The following C2orf42 variants were observed in gnomAD, a reference collection of about 807,000 sequenced individuals.
C2orf42 encodes uncharacterized protein C2orf42.
C2orf42 carries 44 observed loss-of-function variants against 58.9 expected under a neutral mutation model. The ratio of observed to expected loss-of-function variants is 0.75; its 90% CI spans 0.59 to 0.96. C2orf42 has a LOEUF of 0.96. C2orf42 is among the 40% of genes least tolerant of loss of function. C2orf42 has a pLI of 0.00. For missense variants in C2orf42, 630 were observed against 699.2 expected, an observed-to-expected ratio of 0.90 and a Z score of 1.12; for synonymous variants, 239 against 265.4, an observed-to-expected ratio of 0.90 and a Z score of 0.97.
chr2:70,186,276 A>G (rs1178303722), intron 1 of C2orf42, among the ~76,000 whole-genome samples: 1 of 152,066 alleles, frequency 6.6e-6, no homozygotes, highest in East Asian at 1.9e-4. Context: ...TCATCTGCAA[A>G]GCTACGATAC....
chr2:70,170,193 A>C (rs1387103948), intron 5 of C2orf42, among the ~76,000 whole-genome samples: 70 of 151,984 alleles, frequency 4.6e-4, no homozygotes, highest in Admixed American at 2.2e-3. Flanking sequence ...AAAAAAAAAA[A>C]AAAACTTGAA....
chr2:70,151,734 T>C (rs1257469015), intron 9 of C2orf42, among the ~76,000 whole-genome samples: 2 of 152,192 alleles, frequency 1.3e-5, no homozygotes, highest in Non-Finnish European at 2.9e-5. Context: ...CATTTTTCTC[T>C]CAGCACTACT....
chr2:70,175,012 CTATCTT>C (rs1370498242), intron 5 of C2orf42, among the ~76,000 whole-genome samples: 6 of 151,968 alleles, frequency 3.9e-5, no homozygotes, highest in Admixed American at 3.9e-4. Context: ...AATCTGTTCT[CTATCTT>C]TATGGTTTTA....
intron 9 of C2orf42, among the ~76,000 whole-genome samples, chr2:70,159,260 G>C (rs1258885183): frequency 6.6e-6 from 1 of 151,942 alleles, no homozygotes; most frequent in South Asian, 2.1e-4. Flanking sequence ...TTTTAAAAGA[G>C]AAATTATTGT....
At chr2:70,154,314 G>A (rs1672507003) in intron 9 of C2orf42, among the ~76,000 whole-genome samples, 1 of 146,732 alleles carries the variant, frequency 6.8e-6, no homozygotes, top group Non-Finnish European at 1.5e-5. Context: ...TGTAATCCCA[G>A]CACTTTGAGA....
At position 70,187,004 on chromosome 2, in the gene C2orf42, G is replaced by T. The variant is rs572386367; in HGVS notation, c.-282+3969C>A. Reference sequence around the variant, plus strand: ...GCATTAGGAGATATACCTAAGGCTAGATGACGAGTTAGTGGGTGCAGCACA... The same window carrying T: ...GCATTAGGAGATATACCTAAGGCTATATGACGAGTTAGTGGGTGCAGCACA... On this transcript the variant is annotated intron_variant, in intron 1 of 9. Coordinates refer to ENST00000264434, the MANE Select transcript of C2orf42 (RefSeq NM_017880.3). Among the ~76,000 whole-genome samples the T allele has an allele frequency of 3.3e-5, 5 of 152,190 alleles. No homozygotes were observed. The East Asian group carries it at 7.7e-4, about 24-fold the overall frequency.
In C2orf42 at chr2:70,155,406, C is replaced by A. The variant is rs536439087; in HGVS notation, c.1517-4842G>T. Among the ~76,000 whole-genome samples the A allele has an allele frequency of 2.0e-5, 3 of 152,288 alleles. No individual in the cohort carries two copies. The South Asian group carries it at 6.2e-4, about 32-fold the overall frequency. On this transcript the variant is annotated intron_variant, in intron 9 of 9. Coordinates refer to ENST00000264434, the MANE Select transcript of C2orf42 (RefSeq NM_017880.3). ...AAACTCCTGGGCTCAAGCTATCCTCCAACCCCAGCCTCCCAAAGTGCTGGG... is the reference window on the plus strand; with the variant it reads ...AAACTCCTGGGCTCAAGCTATCCTCAAACCCCAGCCTCCCAAAGTGCTGGG...
In C2orf42 at chr2:70,180,722, C is replaced by G. The variant is rs142144641; in HGVS notation, c.823+441G>C. ...ACTGAGACTGAAAGAAGGAATGCAACCAGGTGTGGCGGCTCACACCTGTGA... is the reference window on the plus strand; with the variant it reads ...ACTGAGACTGAAAGAAGGAATGCAAGCAGGTGTGGCGGCTCACACCTGTGA... On this transcript the variant is annotated intron_variant, in intron 3 of 9. Coordinates refer to ENST00000264434, the MANE Select transcript of C2orf42 (RefSeq NM_017880.3). Among the ~76,000 whole-genome samples the G allele has an allele frequency of 1.4e-3, 218 of 151,382 alleles. 1 individual carries two copies. The highest frequency in any genetic ancestry group is 5.1e-3 in the African/African-American group (209 of 41,244).
intron 6 of C2orf42, among the ~76,000 whole-genome samples, chr2:70,166,039 C>T (rs940114676): frequency 1.3e-5 from 2 of 151,722 alleles, no homozygotes; most frequent in Non-Finnish European, 2.9e-5. Context: ...TACAGGCGTG[C>T]ACCACCACGC....
At chr2:70,168,971 TC>T (rs1361371933) in intron 6 of C2orf42, among the ~76,000 whole-genome samples, 47 of 152,216 alleles carry the variant, frequency 3.1e-4, no homozygotes, top group African/African-American at 1.1e-3. Context: ...CACCTCGGCC[TC>T]CCAAAGTGTC....
In C2orf42 at chr2:70,165,132, G is replaced by T; in HGVS notation, c.1313C>A (p.Thr438Asn). ...GATTTGTTTAACTTGCAGGATATTA[G>T]TGATATGCCAAGTATACTTGGAAAA... Reference protein sequence around the residue: ...GTFSKYTWHITNILQVKQILD... With the variant: ...GTFSKYTWHINNILQVKQILD... The change falls in exon 8 of 10, where the codon ACT (threonine) becomes AAT (asparagine). Residue 438 changes from threonine to asparagine, a missense_variant. Transcript: ENST00000264434. 1 of 1,608,898 alleles carries T rather than the reference G, an allele frequency of 6.2e-7. No individual in the cohort carries two copies. Among genetic ancestry groups the T allele is most frequent in the Non-Finnish European group, 8.5e-7 (1 of 1,176,100 alleles).
chr2:70,172,605 G>C (rs1394609891), intron 5 of C2orf42, among the ~76,000 whole-genome samples: 1 of 152,116 alleles, frequency 6.6e-6, no homozygotes, highest in African/African-American at 2.4e-5. Context: ...TTTGAGCCCA[G>C]AAGGCTGCAG....
Position 70,178,874 on chromosome 2 carries a change from G to A in C2orf42, c.934+658C>T, listed in dbSNP as rs548480726. 2.4e-4 allele frequency among the ~76,000 whole-genome samples: 35 copies of A among 145,890 alleles called. No homozygotes were observed. In the Middle Eastern group the frequency reaches 0.014, roughly 57 times the overall value. On this transcript the variant is annotated intron_variant, in intron 4 of 9. Coordinates refer to ENST00000264434, the MANE Select transcript of C2orf42 (RefSeq NM_017880.3). ...CGGGAGGCAGAGGTTGCAGTGAGCT[G>A]AGATCGCACCACTGCACTCCAGCCT...
intron 1 of C2orf42, chr2:70,190,771 G>C (rs758444314): frequency 4.6e-5 from 7 of 152,226 alleles, no homozygotes; most frequent in Non-Finnish European, 8.8e-5. Context: ...CTCCCCGCGC[G>C]AGCGCTCACT....
chr2:70,162,728 T>TC (rs1673137850), intron 8 of C2orf42, among the ~76,000 whole-genome samples: 1 of 152,046 alleles, frequency 6.6e-6, no homozygotes, highest in Non-Finnish European at 1.5e-5. Context: ...CATCTCAGCC[T>TC]CCTAAATCGC....
At chr2:70,152,669 A>C (rs1358361962) in intron 9 of C2orf42, among the ~76,000 whole-genome samples, 1 of 152,072 alleles carries the variant, frequency 6.6e-6, no homozygotes, top group Non-Finnish European at 1.5e-5. Flanking sequence ...TCTCACACAC[A>C]CCCCTCCCCA....
Position 70,154,207 on chromosome 2 carries a change from G to C in C2orf42, c.1517-3643C>G, listed in dbSNP as rs552663882. Among the ~76,000 whole-genome samples, 34 of 151,868 alleles carry C rather than the reference G, an allele frequency of 2.2e-4. No homozygotes were observed. In the East Asian group the frequency reaches 6.4e-3, roughly 28 times the overall value. On this transcript the variant is annotated intron_variant, in intron 9 of 9. Coordinates refer to ENST00000264434, the MANE Select transcript of C2orf42 (RefSeq NM_017880.3). The stretch of plus-strand genomic sequence containing the variant: ...CTGGGAGGAAAAGGCAGCTGGATGA[G>C]AGTAAAAGGAAGACGAACAAGAAAA...
chr2:70,177,826 A>G (rs1674291728), intron 4 of C2orf42, among the ~76,000 whole-genome samples: 1 of 152,192 alleles, frequency 6.6e-6, no homozygotes, highest in Non-Finnish European at 1.5e-5. Context: ...ACTTGAGGTC[A>G]GGAGTTTGAG....
At chr2:70,178,939 G>GA (rs1272468205) in intron 4 of C2orf42, among the ~76,000 whole-genome samples, 8 of 148,446 alleles carry the variant, frequency 5.4e-5, no homozygotes, top group Non-Finnish European at 3.0e-5. Flanking sequence ...AAAAAAAAAA[G>GA]AAAAAAATGT....
Sources: allele counts gnomAD v4.1 joint callset (sites outside exome capture counted in the v4.1 genomes callset), GRCh38; gene constraint gnomAD v4.1.1; transcripts MANE v1.5; gene names NCBI Gene and HGNC (gene_info 2026-07-23, HGNC 2026-07-21).